LTBP1: variants seen among roughly 807,000 people sequenced by gnomAD.
LTBP1 encodes the protein latent transforming growth factor beta binding protein 1.
LTBP1 carries 129 observed loss-of-function variants against 207.6 expected under a neutral mutation model. The observed-to-expected ratio is 0.62, with a 90% confidence interval of 0.54 to 0.72. LTBP1 has a LOEUF of 0.72. Among genes scored for constraint, LTBP1 ranks in the 30% least tolerant of loss-of-function variants. The pLI is 0.00. For missense variants in LTBP1, 2,281 were observed against 2,217.2 expected (o/e 1.03, Z -0.58); for synonymous variants, 963 against 833.7 (o/e 1.16, Z -2.67).
At chr2:33,035,779 T>C (rs2075890334) in intron 3 of LTBP1, among the ~76,000 whole-genome samples, 1 of 152,202 alleles carries the variant, frequency 6.6e-6, no homozygotes, top group South Asian at 2.1e-4. Context: ...TTTTTTCTTT[T>C]TAGAAAAGAG....
chr2:33,373,065 A>G (rs1280606086), intron 31 of LTBP1, among the ~76,000 whole-genome samples: 2 of 152,180 alleles, frequency 1.3e-5, no homozygotes, highest in Non-Finnish European at 2.9e-5. Flanking sequence ...CTGATAAGTA[A>G]ATTGTTAAAG....
At chr2:33,304,460 C>G (rs892189203) in intron 22 of LTBP1, among the ~76,000 whole-genome samples, 3 of 152,146 alleles carry the variant, frequency 2.0e-5, no homozygotes, top group Non-Finnish European at 4.4e-5. Flanking sequence ...TGGCAAAGAC[C>G]TTGTTTTCTT....
chr2:33,335,126 ATAAG>A (rs775470077), intron 24 of LTBP1, among the ~76,000 whole-genome samples: 9 of 151,866 alleles, frequency 5.9e-5, no homozygotes, highest in Non-Finnish European at 7.4e-5. Context: ...TCTAAAATAA[ATAAG>A]TAAGTAAGTA....
rs756357957 is a variant in LTBP1, at chr2:33,364,316, T to C, written c.4500T>C (p.Asp1500=). 1 of 1,613,952 alleles carries C rather than the reference T, an allele frequency of 6.2e-7. No individual in the cohort carries two copies. The highest frequency in any genetic ancestry group is 8.5e-7 in the Non-Finnish European group (1 of 1,179,972). ...TCTGTACTCACCCCATGGTCCTGGA[T>C]GCGTCAGAAAAAAGATGTATACGAC... is the stretch of plus-strand genomic sequence containing the variant. ...NCFCTHPMVL[D]ASEKRCIRPA... is the part of the protein sequence containing the mutation. Residue 1500 remains aspartate, a synonymous_variant, in exon 30 of 34, where the codon GAT becomes GAC. Transcript: ENST00000404816.
intron 10 of LTBP1, 82 bp from the exon 11 acceptor site, chr2:33,252,595 T>C: frequency 7.7e-7 from 1 of 1,302,642 alleles, no homozygotes; most frequent in Non-Finnish European, 1.1e-6. Flanking sequence ...ATTCATACCT[T>C]AGGGTTCATT....
rs1002958117 is a variant in LTBP1 at position 33,398,709 on chromosome 2, C to G, written c.*164C>G. 3 of 593,028 alleles carry G rather than the reference C, an allele frequency of 5.1e-6. No homozygotes were observed. Among genetic ancestry groups the G allele is most frequent in the Non-Finnish European group, 8.4e-6 (3 of 358,576 alleles). The allele number at this position is 593,028 out of a possible 1,614,324, so 36.7% of individuals were successfully genotyped here. A position where few individuals can be genotyped will look rare whatever the true frequency, so the allele number is the denominator to read the frequency against. On this transcript the variant is annotated 3_prime_UTR_variant, in exon 34 of 34. Transcript: ENST00000404816. ...GACAATGAGAGGATTTAGGATGAGC[C>G]CGATAGGTGTGGCAGACCAAATGGA...
Position 33,084,386 on chromosome 2 carries a change from T to C in LTBP1, c.864-26196T>C, listed in dbSNP as rs184046979. On this transcript the variant is annotated intron_variant, in intron 3 of 33. Coordinates refer to ENST00000404816, the MANE Select transcript of LTBP1 (RefSeq NM_206943.4). ...CATGAAGCAGACAGGGTTCTGGGGG[T>C]TGGGAAGGTGCTGCTGGTGGGAGGC... 4.4e-3 allele frequency among the ~76,000 whole-genome samples: 661 copies of C among 151,826 alleles called. 7 individuals are homozygous for C. Among genetic ancestry groups the C allele is most frequent in the Non-Finnish European group, 3.5e-3 (241 of 67,934 alleles).
intron 9 of LTBP1, among the ~76,000 whole-genome samples, chr2:33,223,559 G>A (rs1047937303): frequency 6.6e-6 from 1 of 152,142 alleles, no homozygotes; most frequent in East Asian, 1.9e-4. Context: ...GGATGAATGA[G>A]TAGGTTAAAT....
In LTBP1 at chr2:33,095,785, G is replaced by A. The variant is rs188996880; in HGVS notation, c.864-14797G>A. On this transcript the variant is annotated intron_variant, in intron 3 of 33. Coordinates refer to ENST00000404816, the MANE Select transcript of LTBP1 (RefSeq NM_206943.4). ...TAAAAAACAGGTGGAAGTTTGAAAG[G>A]GTAAGTGGCCTTGAAGATAGATCAA... is the stretch of plus-strand genomic sequence containing the variant. 1.4e-3 allele frequency among the ~76,000 whole-genome samples: 213 copies of A among 152,050 alleles called. 4 individuals are homozygous for A. Among genetic ancestry groups the A allele is most frequent in the Middle Eastern group, 3.4e-3 (1 of 294 alleles).
intron 29 of LTBP1, 87 bp downstream of exon 29, chr2:33,363,605 T>C: frequency 5.8e-6 from 8 of 1,371,946 alleles, no homozygotes; most frequent in Non-Finnish European, 7.9e-6. Flanking sequence ...AACAATTTCC[T>C]TGAATCTAAA....
At chr2:33,192,038 A>G (rs112446630) in intron 7 of LTBP1, among the ~76,000 whole-genome samples, 1 of 152,282 alleles carries the variant, frequency 6.6e-6, no homozygotes, top group African/African-American at 2.4e-5. Flanking sequence ...AAAATGGATG[A>G]TTGATGAGGA....
intron 26 of LTBP1, among the ~76,000 whole-genome samples, chr2:33,358,518 G>A (rs2094891146): frequency 6.6e-6 from 1 of 151,900 alleles, no homozygotes; most frequent in South Asian, 2.1e-4. Flanking sequence ...CTAATTACCT[G>A]TGAGTATAAT....
chr2:33,188,763 A>G lies in LTBP1; in HGVS notation c.1613A>G (p.Tyr538Cys). The change falls in exon 7 of 34, where the codon TAC becomes TGC. Residue 538 changes from tyrosine (Y) to cysteine (C), a missense_variant. Physicochemically the swap from Tyr to Cys is radical, Grantham distance 194. Coordinates refer to ENST00000404816, the MANE Select transcript of LTBP1 (RefSeq NM_206943.4). ...AAGACCCAGACCATACATTCCACAT[A>G]CTCCCACCAGCAGGTCATTCCTCAC... ...VQKTQTIHST[Y>C]SHQQVIPHVY... is the part of the protein sequence containing the mutation. 1 of 1,613,852 alleles carries G rather than the reference A, an allele frequency of 6.2e-7. No individual in the cohort carries two copies. Among genetic ancestry groups the G allele is most frequent in the Non-Finnish European group, 8.5e-7 (1 of 1,179,980 alleles).
At chr2:33,097,145 T>C (rs1253564992) in intron 3 of LTBP1, among the ~76,000 whole-genome samples, 1 of 152,086 alleles carries the variant, frequency 6.6e-6, no homozygotes, top group Non-Finnish European at 1.5e-5. Flanking sequence ...CTTGAAGGAG[T>C]CTTGATGTTA....
At chr2:33,183,711 A>G (rs551589414) in intron 5 of LTBP1, among the ~76,000 whole-genome samples, 1 of 152,304 alleles carries the variant, frequency 6.6e-6, no homozygotes, top group South Asian at 2.1e-4. Flanking sequence ...TTTACCCATT[A>G]CACACTGAGC....
chr2:33,084,497 A>G (rs2078634202), intron 3 of LTBP1, among the ~76,000 whole-genome samples: 1 of 152,118 alleles, frequency 6.6e-6, no homozygotes, highest in South Asian at 2.1e-4. Context: ...GATAGCAGTC[A>G]CTGGGCTTTA....
chr2:33,005,407 C>T (rs1270510071), intron 2 of LTBP1, among the ~76,000 whole-genome samples: 1 of 152,036 alleles, frequency 6.6e-6, no homozygotes, highest in Non-Finnish European at 1.5e-5. Context: ...CTTCCAGGTG[C>T]ACCTTTCCAC....
chr2:33,058,407 G>A (rs919486973), intron 3 of LTBP1, among the ~76,000 whole-genome samples: 4 of 152,166 alleles, frequency 2.6e-5, no homozygotes, highest in Admixed American at 6.5e-5. Context: ...CAATGTTTAA[G>A]TGATTTGCCT....
intron 19 of LTBP1, among the ~76,000 whole-genome samples, chr2:33,292,006 A>G (rs996488688): frequency 2.0e-5 from 3 of 152,138 alleles, no homozygotes; most frequent in Non-Finnish European, 4.4e-5. Flanking sequence ...ATAGACCCCT[A>G]TAAGATTAAG....
Sources: gnomAD v4.1 joint callset for allele counts (sites outside exome capture counted in the v4.1 genomes callset) on GRCh38, gnomAD v4.1.1 for gene constraint, MANE v1.5 for transcripts, NCBI Gene and HGNC (gene_info 2026-07-23, HGNC 2026-07-21) for gene names.